The following TSPEAR variants were observed in gnomAD, a reference collection of about 807,000 sequenced individuals.
TSPEAR encodes thrombospondin-type laminin G domain and EAR repeat-containing protein.
In TSPEAR, 69 loss-of-function variants were observed where a neutral mutation model predicts 71.6. The observed-to-expected ratio is 0.96, with a 90% confidence interval of 0.79 to 1.18. The LOEUF (loss-of-function observed/expected upper bound fraction) is 1.18. Among genes scored for constraint, TSPEAR ranks in the 50% most tolerant of loss-of-function variants. The pLI, the probability that TSPEAR is intolerant of heterozygous loss-of-function variation, is 0.00. For missense variants in TSPEAR, 971 were observed against 894.9 expected (o/e 1.09, Z -1.09); for synonymous variants, 402 against 387.2 (o/e 1.04, Z -0.45).
intron 1 of TSPEAR, among the ~76,000 whole-genome samples, chr21:44,618,898 G>T (rs1465192000): frequency 6.6e-6 from 1 of 152,206 alleles, no homozygotes; most frequent in Admixed American, 6.5e-5. Flanking sequence ...TAAAAAGCCT[G>T]GGAGGAAAAG....
At chr21:44,707,000 C>A (rs1484529409) in intron 1 of TSPEAR, among the ~76,000 whole-genome samples, 2 of 152,376 alleles carry the variant, frequency 1.3e-5, no homozygotes, top group African/African-American at 2.4e-5. Context: ...CCCGCTTTCA[C>A]GTCCGCCCCT....
intron 2 of TSPEAR, chr21:44,539,209 G>T: frequency 1.3e-6 from 2 of 1,536,106 alleles, no homozygotes; most frequent in African/African-American, 1.4e-5. Flanking sequence ...CGTCCTAGGT[G>T]GGGGAAGCCA....
chr21:44,617,836 CTG>C (rs782135602), intron 1 of TSPEAR, among the ~76,000 whole-genome samples: 1 of 152,266 alleles, frequency 6.6e-6, no homozygotes, highest in East Asian at 1.9e-4. Context: ...AACGACACTT[CTG>C]TGTGTGTTTC....
In TSPEAR at chr21:44,520,763, G is replaced by A. The variant is rs2052718892; in HGVS notation, c.1566+1120C>T. ...GCTTGCTCTAATGAGATGTATGTATGGAATGTTATGTATGGAATGTTCCAG... is the reference window on the plus strand; with the variant it reads ...GCTTGCTCTAATGAGATGTATGTATAGAATGTTATGTATGGAATGTTCCAG... On this transcript the variant is annotated intron_variant, in intron 9 of 11. Coordinates refer to ENST00000323084, the MANE Select transcript of TSPEAR (RefSeq NM_144991.3). The surrounding 1 kb of genome is among the most constrained non-coding windows in gnomAD (Gnocchi z 4.2). 1.3e-5 allele frequency: 2 copies of A among 152,356 alleles called. No individual in the cohort carries two copies. The highest frequency in any genetic ancestry group is 4.1e-4 in the South Asian group (2 of 4,824). 9.4% of individuals were successfully genotyped at this position (152,356 alleles called of 1,614,324 possible).
chr21:44,573,855 C>T, intron 1 of TSPEAR: 1 of 1,614,110 alleles, frequency 6.2e-7, no homozygotes, highest in South Asian at 1.1e-5. Flanking sequence ...GGACGACTGC[C>T]CAGAGAGCTG....
intron 10 of TSPEAR, among the ~76,000 whole-genome samples, chr21:44,505,233 C>T (rs587611716): frequency 1.9e-4 from 29 of 152,092 alleles, no homozygotes; most frequent in Non-Finnish European, 2.6e-4. Flanking sequence ...TGTGCGGCAC[C>T]ACGCCCGGCT....
At chr21:44,580,130 G>A in intron 1 of TSPEAR, 1 of 1,613,684 alleles carries the variant, frequency 6.2e-7, no homozygotes, top group South Asian at 1.1e-5. Flanking sequence ...GCAGCATGAA[G>A]AGGAATCCTC....
intron 9 of TSPEAR, among the ~76,000 whole-genome samples, chr21:44,511,846 G>T (rs903660576): frequency 6.6e-6 from 1 of 152,252 alleles, no homozygotes; most frequent in African/African-American, 2.4e-5. Context: ...GGGGGACCCC[G>T]AGCTGGCACT....
chr21:44,627,920 GC>G, intron 1 of TSPEAR: 1 of 1,519,892 alleles, frequency 6.6e-7, no homozygotes, highest in Non-Finnish European at 8.9e-7. Context: ...GTCTCCTCCT[GC>G]TGTGCCCCCA....
intron 1 of TSPEAR, chr21:44,658,166 A>G: frequency 6.2e-7 from 1 of 1,613,972 alleles, no homozygotes; most frequent in Non-Finnish European, 8.5e-7. Flanking sequence ...CTGCAGGCCC[A>G]TCATATATGT....
In TSPEAR at chr21:44,671,438, AG is replaced by A. The variant is rs147795301; in HGVS notation, c.82+39994del. 8.2e-3 allele frequency among the ~76,000 whole-genome samples: 1,256 copies of A among 152,268 alleles called. 12 individuals are homozygous for A. Among genetic ancestry groups the A allele is most frequent in the African/African-American group, 0.028 (1,179 of 41,544 alleles). ...ACACCAGTGCCAGCATATGCTACTCAGGGGCCTAAGGACAGGCACATTTGGC... is the reference window on the plus strand; with the variant it reads ...ACACCAGTGCCAGCATATGCTACTCAGGGCCTAAGGACAGGCACATTTGGC... On this transcript the variant is annotated intron_variant, in intron 1 of 11. Coordinates refer to ENST00000323084, the MANE Select transcript of TSPEAR (RefSeq NM_144991.3).
intron 8 of TSPEAR, among the ~76,000 whole-genome samples, chr21:44,523,913 TGTCA>T (rs1296902213): frequency 3.4e-5 from 5 of 145,264 alleles, no homozygotes; most frequent in East Asian, 2.0e-4. Context: ...TCAGGTAGTT[TGTCA>T]GTCAGTCAGT....
At chr21:44,542,146 G>A (rs587659853) in intron 2 of TSPEAR, among the ~76,000 whole-genome samples, 139 of 152,294 alleles carry the variant, frequency 9.1e-4, no homozygotes, top group African/African-American at 3.1e-3. Context: ...CAAAAATTCT[G>A]GAAACGAAGA....
intron 1 of TSPEAR, chr21:44,697,985 C>T (rs782320615): frequency 4.4e-6 from 7 of 1,579,244 alleles, no homozygotes; most frequent in Non-Finnish European, 6.0e-6. Flanking sequence ...GGCATGTCCC[C>T]CAGGGCCACT....
rs375670763 is a variant in TSPEAR at position 44,551,493 on chromosome 21, T to TGTGAGTGA, written c.303+16284_303+16291dup. Reference sequence around the variant, plus strand: ...GGGAGGAGGTGAGCTGGGGGAGGTGTGTGAGTGAGTGAGTGTGTGTGTGAG... The same window carrying TGTGAGTGA: ...GGGAGGAGGTGAGCTGGGGGAGGTGTGTGAGTGAGTGAGTGAGTGAGTGTGTGTGTGAG... On this transcript the variant is annotated intron_variant, in intron 2 of 11. Transcript: ENST00000323084. The TGTGAGTGA allele has an allele frequency of 4.3e-5, 48 of 1,124,202 alleles. No homozygotes were observed. In the East Asian group the frequency reaches 1.0e-3, roughly 24 times the overall value. The allele number at this position is 1,124,202 out of a possible 1,614,324, so 69.6% of individuals were successfully genotyped here. A position where few individuals can be genotyped will look rare whatever the true frequency, so the allele number is the denominator to read the frequency against.
chr21:44,705,823 G>A (rs1987884026), intron 1 of TSPEAR, among the ~76,000 whole-genome samples: 1 of 150,196 alleles, frequency 6.7e-6, no homozygotes, highest in African/African-American at 2.5e-5. Flanking sequence ...CACTGGCCTT[G>A]TGATATTCTA....
chr21:44,522,815 G>A (rs2052761998), intron 8 of TSPEAR, among the ~76,000 whole-genome samples: 1 of 152,256 alleles, frequency 6.6e-6, no homozygotes, highest in Non-Finnish European at 1.5e-5. Flanking sequence ...CTCGGCAGCT[G>A]TCCTCCACCA....
chr21:44,523,517 G>A (rs2052780577), intron 8 of TSPEAR, among the ~76,000 whole-genome samples: 1 of 150,638 alleles, frequency 6.6e-6, no homozygotes, highest in Non-Finnish European at 1.5e-5. Flanking sequence ...TCAGTCGTCA[G>A]TCAGTCTGAG....
chr21:44,703,467 G>A (rs552091135), intron 1 of TSPEAR, among the ~76,000 whole-genome samples: 19 of 152,322 alleles, frequency 1.2e-4, no homozygotes, highest in Admixed American at 5.2e-4. Flanking sequence ...GAGGAACCCC[G>A]GGGACAGGGC....
Sources: allele counts gnomAD v4.1 joint callset (sites outside exome capture counted in the v4.1 genomes callset), GRCh38; gene constraint gnomAD v4.1.1; non-coding constraint Gnocchi (gnomAD v3.1); transcripts MANE v1.5; gene names NCBI Gene and HGNC (gene_info 2026-07-23, HGNC 2026-07-21).